Variants in NRXN2 observed in about 807,000 individuals in gnomAD.
NRXN2 encodes the protein neurexin 2, also known as neurexin-2-beta.
Under a neutral mutation model 128.8 loss-of-function variants are expected in NRXN2, and 29 were observed. The observed-to-expected ratio is 0.23, with a 90% CI of 0.17 to 0.31. The LOEUF (loss-of-function observed/expected upper bound fraction) is 0.31. Ranked by LOEUF, NRXN2 falls within the 10% of genes least tolerant of loss-of-function variation. The pLI is 1.00. For synonymous variants in NRXN2, 1,098 were observed against 1,075.2 expected (o/e 1.02, Z -0.41); for missense variants, 1,881 against 2,452.6 (o/e 0.77, Z 4.92).
intron 7 of NRXN2, among the ~76,000 whole-genome samples, chr11:64,671,939 A>G (rs2050694774): frequency 6.6e-6 from 1 of 151,960 alleles, no homozygotes; most frequent in Non-Finnish European, 1.5e-5. Flanking sequence ...GGGCAGTGGG[A>G]CCTTCCAGCT....
chr11:64,679,334 C>T (rs2051824957), intron 6 of NRXN2, among the ~76,000 whole-genome samples: 1 of 152,104 alleles, frequency 6.6e-6, no homozygotes, highest in South Asian at 2.1e-4. Flanking sequence ...AGTAGAACAG[C>T]AAATTAAGAA....
chr11:64,703,295 G>A (rs1213377902), intron 2 of NRXN2, among the ~76,000 whole-genome samples: 1 of 152,066 alleles, frequency 6.6e-6, no homozygotes, highest in East Asian at 1.9e-4. Context: ...ATAACACTTT[G>A]CATATACTGA....
Position 64,681,904 on chromosome 11 carries a change from AG to A in NRXN2, c.1152+3741del, listed in dbSNP as rs1351784432. Among the ~76,000 whole-genome samples the A allele has an allele frequency of 2.0e-5, 3 of 152,168 alleles. No homozygotes were observed. In the East Asian group the frequency reaches 5.8e-4, roughly 29 times the overall value. ...GAGGCCTGGGCAGGAAGGAGAGGAA[AG>A]GAATCTAATTGCCTGATGGACTCCA... On this transcript the variant is annotated intron_variant, in intron 6 of 22. Coordinates refer to ENST00000265459, the MANE Select transcript of NRXN2 (RefSeq NM_015080.4).
At chr11:64,690,021 T>C (rs1180707529) in intron 5 of NRXN2, among the ~76,000 whole-genome samples, 2 of 152,192 alleles carry the variant, frequency 1.3e-5, no homozygotes, top group African/African-American at 4.8e-5. Flanking sequence ...CCAATCAGAA[T>C]TTCCCTGGAC....
In NRXN2 at chr11:64,713,239, C is replaced by G; in HGVS notation, c.461G>C (p.Gly154Ala). The change falls in exon 2 of 23, where the codon GGC becomes GCC. Residue 154 changes from glycine (G) to alanine (A), a missense_variant. Physicochemically the swap from Gly to Ala is moderately conservative, Grantham distance 60. Coordinates refer to ENST00000265459, the MANE Select transcript of NRXN2 (RefSeq NM_015080.4). The part of the protein sequence containing the change: ...MQVASDLFVG[G>A]IPPDVRLSAL... ...CGAGAGGCGCACGTCGGGCGGGATG[C>G]CGCCCACGAACAGGTCGCTGGCCAC... 1 of 1,462,030 alleles carries G rather than the reference C, an allele frequency of 6.8e-7. No individual in the cohort carries two copies. Among genetic ancestry groups the G allele is most frequent in the Non-Finnish European group, 9.0e-7 (1 of 1,110,670 alleles). The allele number at this position is 1,462,030 out of a possible 1,614,324, so 90.6% of individuals were successfully genotyped here.
chr11:64,626,696 C>A lies in NRXN2; in HGVS notation c.3758-144G>T, dbSNP rs2043109341. 1.4e-5 allele frequency: 10 copies of A among 733,070 alleles called. No homozygotes were observed. In the South Asian group the frequency reaches 1.4e-4, roughly 11 times the overall value. The allele number at this position is 733,070 out of a possible 1,614,324, so 45.4% of individuals were successfully genotyped here. On this transcript the variant is annotated intron_variant, in intron 19 of 22. Transcript: ENST00000265459. ...GGAAGGGAGGAAAAGAAACGCTGGGCCCCTCTTTTCCCTTGACCCCCTCCC... is the reference window on the plus strand; with the variant it reads ...GGAAGGGAGGAAAAGAAACGCTGGGACCCTCTTTTCCCTTGACCCCCTCCC...
chr11:64,636,116 AG>A (rs1389402155), intron 17 of NRXN2, among the ~76,000 whole-genome samples: 1 of 103,838 alleles, frequency 9.6e-6, no homozygotes, highest in Non-Finnish European at 2.1e-5. Context: ...GGGGTGGGGG[AG>A]GGGGGAGAGG....
intron 6 of NRXN2, among the ~76,000 whole-genome samples, chr11:64,684,207 C>T (rs2052698486): frequency 6.6e-6 from 1 of 152,128 alleles, no homozygotes; most frequent in South Asian, 2.1e-4. Flanking sequence ...AGCGCTGGTC[C>T]TAGAGAGAGC....
intron 2 of NRXN2, among the ~76,000 whole-genome samples, chr11:64,707,821 T>C (rs1015467399): frequency 6.6e-6 from 1 of 152,074 alleles, no homozygotes; most frequent in Non-Finnish European, 1.5e-5. Context: ...AGACTGGGTG[T>C]GGTGGCTTAC....
In NRXN2 at chr11:64,660,743, C is replaced by T. The variant is rs1165088715; in HGVS notation, c.2185+10G>A. ...GGAGCAGGGACACCTAGGATGAAGA[C>T]CAGCCTCACCTCTCTCACAGACCCG... On this transcript the variant is annotated intron_variant, in intron 10 of 22. Transcript: ENST00000265459. This position sits in a 1 kb window ranked among gnomAD's most constrained non-coding sequence, Gnocchi z 5.2. 1.9e-6 allele frequency: 3 copies of T among 1,609,564 alleles called. No individual in the cohort carries two copies. The highest frequency in any genetic ancestry group is 3.3e-5 in the Admixed American group (2 of 60,026).
chr11:64,716,960 C>G (rs578215492), intron 1 of NRXN2, among the ~76,000 whole-genome samples: 91 of 152,196 alleles, frequency 6.0e-4, no homozygotes, highest in Admixed American at 4.1e-3. Context: ...CCCACCCAGG[C>G]CAAGGCTGCT....
chr11:64,617,797 C>T (rs1452372500), intron 22 of NRXN2, among the ~76,000 whole-genome samples: 1 of 152,158 alleles, frequency 6.6e-6, no homozygotes, highest in Non-Finnish European at 1.5e-5. Context: ...TCATTTTGGT[C>T]CTTGCCTGGC....
rs961405544 is a variant in NRXN2, at chr11:64,713,882, A to T, written c.-183T>A. On this transcript the variant is annotated 5_prime_UTR_variant, in exon 2 of 23. Coordinates refer to ENST00000265459, the MANE Select transcript of NRXN2 (RefSeq NM_015080.4). ...AGAGGCCCAGATGCCGGCTTCCCTC[A>T]GGCGGCGGCGGCGGCGCCCCTCCCC... 19 of 202,638 alleles carry T rather than the reference A, an allele frequency of 9.4e-5. No homozygotes were observed. Among genetic ancestry groups the T allele is most frequent in the Non-Finnish European group, 1.5e-4 (17 of 111,724 alleles). The allele number at this position is 202,638 out of a possible 1,614,324, so 12.6% of individuals were successfully genotyped here.
At chr11:64,695,910 A>G (rs1238619798) in intron 3 of NRXN2, among the ~76,000 whole-genome samples, 1 of 151,700 alleles carries the variant, frequency 6.6e-6, no homozygotes, top group East Asian at 1.9e-4. Flanking sequence ...GTTCCTGTCT[A>G]TCAGCCCCTT....
At chr11:64,614,682 G>A (rs556727021) in intron 22 of NRXN2, among the ~76,000 whole-genome samples, 4 of 152,374 alleles carry the variant, frequency 2.6e-5, no homozygotes, top group Non-Finnish European at 4.4e-5. Flanking sequence ...ACATTGGCCT[G>A]TGTGAATCTA....
At chr11:64,654,875 G>A (rs2048024982) in intron 11 of NRXN2, among the ~76,000 whole-genome samples, 2 of 152,196 alleles carry the variant, frequency 1.3e-5, no homozygotes, top group African/African-American at 4.8e-5. Flanking sequence ...GTGACCCTGG[G>A]CAAAGCACTT....
intron 1 of NRXN2, among the ~76,000 whole-genome samples, chr11:64,716,092 C>T (rs1030825345): frequency 2.0e-5 from 3 of 152,182 alleles, no homozygotes; most frequent in Non-Finnish European, 4.4e-5. Context: ...TCCCTTCCTC[C>T]TTCCCTGCTA....
rs1391089296 is a variant in NRXN2 at position 64,713,340 on chromosome 11, G to A, written c.360C>T (p.Asp120=). Residue 120 remains aspartate, a synonymous_variant, in exon 2 of 23, where the codon GAC becomes GAT. Transcript: ENST00000265459. ...CCACCGCCAGCGCCGTGCGGCGCGC[G>A]TCGCGGGTCAGCAGCACCATGTGCC... ...DRWHMVLLTR[D]ARRTALAVDG... 7.3e-7 allele frequency: 1 copy of A among 1,379,234 alleles called. No individual in the cohort carries two copies. Among genetic ancestry groups the A allele is most frequent in the South Asian group, 1.6e-5 (1 of 60,848 alleles). 85.4% of individuals were successfully genotyped at this position (1,379,234 alleles called of 1,614,324 possible). A position where few individuals can be genotyped will look rare whatever the true frequency, so the allele number is the denominator to read the frequency against.
chr11:64,661,200 T>A (rs929637983), intron 9 of NRXN2, 61 bp from the exon 10 acceptor site: 70 of 1,607,750 alleles, frequency 4.4e-5, no homozygotes, highest in Non-Finnish European at 4.8e-5. Context: ...ACATCCTGAC[T>A]CTGCCAAGAA....
Sources: allele counts gnomAD v4.1 joint callset (sites outside exome capture counted in the v4.1 genomes callset), GRCh38; gene constraint gnomAD v4.1.1; non-coding constraint Gnocchi (gnomAD v3.1); transcripts MANE v1.5; gene names NCBI Gene and HGNC (gene_info 2026-07-23, HGNC 2026-07-21).